Variants in ZPBP2 observed in about 807,000 individuals in gnomAD.
The protein encoded by ZPBP2 is zona pellucida-binding protein 2.
Under a neutral mutation model 37.5 loss-of-function variants are expected in ZPBP2, and 34 were observed. The observed-to-expected ratio is 0.91, with a 90% CI of 0.69 to 1.21. The LOEUF (loss-of-function observed/expected upper bound fraction) is 1.21, where lower values mean the gene tolerates loss of function less well. ZPBP2 is among the 50% of genes most tolerant of loss of function. The pLI is 0.00. For synonymous variants in ZPBP2, 143 were observed against 138.4 expected, an observed-to-expected ratio of 1.03 and a Z score of -0.23; for missense variants, 397 against 413.5, an observed-to-expected ratio of 0.96 and a Z score of 0.35.
chr17:39,870,656 T>C, intron 2 of ZPBP2, 38 bp from the exon 3 acceptor site: 1 of 1,191,418 alleles, frequency 8.4e-7, no homozygotes, highest in Non-Finnish European at 1.1e-6. Context: ...TTAATTTTGC[T>C]ATATAATGTA....
intron 6 of ZPBP2, among the ~76,000 whole-genome samples, chr17:39,873,688 A>G (rs1477682246): frequency 6.6e-6 from 1 of 152,228 alleles, no homozygotes; most frequent in African/African-American, 2.4e-5. Flanking sequence ...ATGATTAAAT[A>G]GTGGCTTAAA....
chr17:39,875,484 A>G, intron 7 of ZPBP2, 50 bp downstream of exon 7: 1 of 1,345,700 alleles, frequency 7.4e-7, no homozygotes, highest in Non-Finnish European at 9.9e-7. Flanking sequence ...GAGTCAGAAG[A>G]ATATATAAGT....
At chr17:39,872,668 A>G (rs1478452656) in intron 5 of ZPBP2, among the ~76,000 whole-genome samples, 180 bp downstream of exon 5, 1 of 152,334 alleles carries the variant, frequency 6.6e-6, no homozygotes, top group Admixed American at 6.5e-5. Context: ...CTAATTAATT[A>G]CTTTCAAATA....
intron 6 of ZPBP2, among the ~76,000 whole-genome samples, chr17:39,874,285 G>A (rs941465428): frequency 2.6e-5 from 4 of 151,754 alleles, no homozygotes; most frequent in Admixed American, 2.6e-4. Context: ...GAGCCACCAC[G>A]CCCAGCCAAG....
At chr17:39,871,373 T>G (rs2063363737) in intron 3 of ZPBP2, 91 bp from the exon 4 acceptor site, 7 of 875,190 alleles carry the variant, frequency 8.0e-6, no homozygotes, top group African/African-American at 1.8e-5. Flanking sequence ...TCATTAATTT[T>G]TAAAATTTTT....
intron 6 of ZPBP2, among the ~76,000 whole-genome samples, chr17:39,873,629 A>G (rs2063375487): frequency 6.6e-6 from 1 of 152,076 alleles, no homozygotes; most frequent in Non-Finnish European, 1.5e-5. Context: ...AGTATTATGT[A>G]TTTTATCTAT....
rs753413082 is a variant in ZPBP2 at position 39,868,354 on chromosome 17, G to T, written c.-1G>T. The T allele has an allele frequency of 6.2e-7, 1 of 1,609,150 alleles. No individual in the cohort carries two copies. Among genetic ancestry groups the T allele is most frequent in the African/African-American group, 1.3e-5 (1 of 75,056 alleles). ...CCTCCTGCGACGCCAGCCCCTGAGC[G>T]ATGATGCGAACGTGCGTCCTACTCT... is the stretch of plus-strand genomic sequence containing the variant. On this transcript the variant is annotated 5_prime_UTR_variant, in exon 1 of 8. Transcript: ENST00000348931.
chr17:39,870,295 G>C (rs898509329), intron 2 of ZPBP2, among the ~76,000 whole-genome samples: 1 of 151,826 alleles, frequency 6.6e-6, no homozygotes, highest in Non-Finnish European at 1.5e-5. Context: ...CCGCTCCCTC[G>C]GCCTTCCAAA....
intron 6 of ZPBP2, among the ~76,000 whole-genome samples, chr17:39,873,948 A>T (rs1379183161): frequency 6.7e-6 from 1 of 149,942 alleles, no homozygotes; most frequent in Admixed American, 6.6e-5. Flanking sequence ...CAAAATTTAC[A>T]TCATCGGTTT....
At chr17:39,869,855 G>C (rs1334886483) in intron 2 of ZPBP2, among the ~76,000 whole-genome samples, 1 of 151,676 alleles carries the variant, frequency 6.6e-6, no homozygotes, top group Non-Finnish European at 1.5e-5. Context: ...TGGGATTACA[G>C]GGGCCCACCA....
chr17:39,868,435 C>G, intron 1 of ZPBP2, 29 bp downstream of exon 1: 1 of 1,611,456 alleles, frequency 6.2e-7, no homozygotes, highest in Non-Finnish European at 8.5e-7. Flanking sequence ...GGTCCCCAGG[C>G]CTCTCCCTCT....
chr17:39,872,110 T>G (rs746232277), intron 4 of ZPBP2, among the ~76,000 whole-genome samples, 160 bp from the exon 5 acceptor site: 22 of 152,190 alleles, frequency 1.4e-4, no homozygotes, highest in Non-Finnish European at 1.9e-4. Context: ...TTAATAGTTT[T>G]ATGTATTTTT....
intron 3 of ZPBP2, 134 bp from the exon 4 acceptor site, chr17:39,871,330 A>G (rs13380815): frequency 0.43 from 240,286 of 555,606 alleles, 52,964 homozygotes; most frequent in Non-Finnish European, 0.47. Flanking sequence ...TGACAGAATT[A>G]AGATTTTGTG....
In ZPBP2 at chr17:39,875,484, AAT is replaced by A. The variant is rs1186127683; in HGVS notation, c.889+56_889+57del. 5 of 1,345,578 alleles carry A rather than the reference AAT, an allele frequency of 3.7e-6. No individual in the cohort carries two copies. The African/African-American group carries it at 5.9e-5, about 16-fold the overall frequency. The allele number at this position is 1,345,578 out of a possible 1,614,324, so 83.4% of individuals were successfully genotyped here. ...AACATTTAGGTTATAGAGTCAGAAG[AAT>A]ATATAAGTAATTCACTTGGCATAAC... On this transcript the variant is annotated intron_variant, in intron 7 of 7. Transcript: ENST00000348931.
chr17:39,876,644 C>G, intron 7 of ZPBP2, 38 bp from the exon 8 acceptor site: 1 of 1,607,836 alleles, frequency 6.2e-7, no homozygotes, highest in Non-Finnish European at 8.5e-7. Context: ...CATAAAATAT[C>G]TCTAAATTAT....
chr17:39,870,711 T>C lies in ZPBP2; in HGVS notation c.136T>C (p.Leu46=). 6.9e-7 allele frequency: 1 copy of C among 1,450,058 alleles called. No homozygotes were observed. The allele number at this position is 1,450,058 out of a possible 1,614,324, so 89.8% of individuals were successfully genotyped here. Reference sequence around the variant, plus strand: ...CATCACAGACAAAATATATGTAGAGTTACATCAAAATAGTCCAGTCCTTAT... The same window carrying C: ...CATCACAGACAAAATATATGTAGAGCTACATCAAAATAGTCCAGTCCTTAT... ...TGQPDKIYVE[L]HQNSPVLICM... is the part of the protein sequence containing the mutation. The change falls in exon 3 of 8, where the codon TTA becomes CTA. Residue 46 remains leucine, a synonymous_variant. Transcript: ENST00000348931.
intron 6 of ZPBP2, among the ~76,000 whole-genome samples, chr17:39,874,506 C>T (rs751324556): frequency 6.6e-6 from 1 of 152,128 alleles, no homozygotes; most frequent in Non-Finnish European, 1.5e-5. Context: ...AATCTCAGCT[C>T]ACTGCAACCT....
intron 2 of ZPBP2, 38 bp downstream of exon 2, chr17:39,868,652 G>A: frequency 6.2e-7 from 1 of 1,611,900 alleles, no homozygotes; most frequent in South Asian, 1.1e-5. Flanking sequence ...CCATTGGAGG[G>A]GCCGGAACTG....
chr17:39,872,380 A>C lies in ZPBP2; in HGVS notation c.517A>C (p.Ser173Arg), dbSNP rs1568091130. The C allele has an allele frequency of 6.2e-7, 1 of 1,613,380 alleles. No homozygotes were observed. Among genetic ancestry groups the C allele is most frequent in the Non-Finnish European group, 8.5e-7 (1 of 1,179,652 alleles). ...TAGAGTGCTGAAGAAAATCTTGGAT[A>C]GTCTAATTTCTGATTTGTCATGCCA... is the stretch of plus-strand genomic sequence containing the variant. ...FFRVLKKILDSLISDLSCHVI... is the reference protein window; with the variant it reads ...FFRVLKKILDRLISDLSCHVI... Residue 173 changes from serine (S) to arginine (R), a missense_variant, in exon 5 of 8, where the codon AGT becomes CGT. Coordinates refer to ENST00000348931, the MANE Select transcript of ZPBP2 (RefSeq NM_199321.3).
Sources: allele counts gnomAD v4.1 joint callset (sites outside exome capture counted in the v4.1 genomes callset), GRCh38; gene constraint gnomAD v4.1.1; transcripts MANE v1.5; gene names NCBI Gene and HGNC (gene_info 2026-07-23, HGNC 2026-07-21).